Variants in ZNF568 observed in about 807,000 individuals in gnomAD.
ZNF568 encodes the protein zinc finger protein 568, also known as p53 inhibitor of SCO2 activation.
A neutral mutation model predicts 18.1 loss-of-function variants in ZNF568; 11 were observed. The observed-to-expected ratio is 0.61, with a 90% confidence interval of 0.38 to 1.00. The LOEUF is 1.00. Among genes scored for constraint, ZNF568 ranks in the 50% least tolerant of loss-of-function variants. The pLI is 0.01. For synonymous variants in ZNF568, 213 were observed against 246.6 expected, an observed-to-expected ratio of 0.86 and a Z score of 1.28; for missense variants, 639 against 768.2, an observed-to-expected ratio of 0.83 and a Z score of 1.99.
chr19:36,954,122 G>A (rs2074090015), downstream of ZNF568, among the ~76,000 whole-genome samples: 1 of 152,114 alleles, frequency 6.6e-6, no homozygotes, highest in Non-Finnish European at 1.5e-5. Flanking sequence ...TACTCAGGAG[G>A]CTGAGGCAGG....
intron 2 of ZNF568, among the ~76,000 whole-genome samples, chr19:36,921,477 G>T (rs1182420269): frequency 6.6e-6 from 1 of 151,426 alleles, no homozygotes; most frequent in East Asian, 1.9e-4. Context: ...AAAAAAGAAA[G>T]AAAGTGATCA....
At chr19:36,990,986 CAAG>C in intron 2 of ZNF568, 1 of 556,474 alleles carries the variant, frequency 1.8e-6, no homozygotes, top group Non-Finnish European at 3.1e-6. Flanking sequence ...TAAGCATGCC[CAAG>C]AACCATGTGG....
At chr19:36,929,223 A>G (rs1484968418) in intron 4 of ZNF568, among the ~76,000 whole-genome samples, 2 of 152,144 alleles carry the variant, frequency 1.3e-5, no homozygotes, top group Non-Finnish European at 2.9e-5. Flanking sequence ...ATTTTAAACA[A>G]TTATATTCTA....
chr19:36,943,392 TTTGA>T (rs1176309275), intron 6 of ZNF568, among the ~76,000 whole-genome samples: 2 of 152,146 alleles, frequency 1.3e-5, no homozygotes, highest in Non-Finnish European at 2.9e-5. Flanking sequence ...TCATTAACTA[TTTGA>T]TTGCACTGAA....
intron 4 of ZNF568, among the ~76,000 whole-genome samples, chr19:36,926,683 A>G (rs2073560184): frequency 6.6e-6 from 1 of 152,210 alleles, no homozygotes; most frequent in African/African-American, 2.4e-5. Flanking sequence ...ATGGATATTG[A>G]ACCCACAGAT....
At chr19:36,946,059 C>T (rs997827154) in intron 6 of ZNF568, among the ~76,000 whole-genome samples, 20 of 152,038 alleles carry the variant, frequency 1.3e-4, no homozygotes, top group Middle Eastern at 3.4e-3. Context: ...TGCGCCACTG[C>T]ACTCCAGCCT....
chr19:36,942,440 G>A (rs1403121058), intron 6 of ZNF568, among the ~76,000 whole-genome samples: 1 of 151,190 alleles, frequency 6.6e-6, no homozygotes, highest in African/African-American at 2.4e-5. Flanking sequence ...TCTATTAAAA[G>A]TACAAAAAAC....
In ZNF568 at chr19:36,950,960, A is replaced by AT; in HGVS notation, c.1808dup (p.His604ThrfsTer8). 1 of 1,613,846 alleles carries AT rather than the reference A, an allele frequency of 6.2e-7. No homozygotes were observed. Among genetic ancestry groups the AT allele is most frequent in the Non-Finnish European group, 8.5e-7 (1 of 1,179,922 alleles). ...CTTTTCTCAGTGCTCATTACTTATTATACATATGAGAAGTCATACTGGTGA... is the reference window on the plus strand; with the variant it reads ...CTTTTCTCAGTGCTCATTACTTATTATTACATATGAGAAGTCATACTGGTGA... On this transcript the variant is annotated frameshift_variant, in exon 7 of 7. Transcript: ENST00000333987. LOFTEE classifies it low-confidence loss of function (END_TRUNC).
intron 6 of ZNF568, among the ~76,000 whole-genome samples, chr19:36,945,745 GTGTGTGTGTGTGTGTGTATGTA>G (rs1337047426): frequency 4.0e-5 from 6 of 151,570 alleles, no homozygotes; most frequent in African/African-American, 1.5e-4. Flanking sequence ...ATATGTGTGT[GTGTGTGTGTGTGTGTGTATGTA>G]TGTGTGTGTG....
At chr19:36,954,113 A>G (rs2074089931), downstream of ZNF568, among the ~76,000 whole-genome samples, 2 of 151,772 alleles carry the variant, frequency 1.3e-5, no homozygotes, top group Admixed American at 1.3e-4. Context: ...AATCCTAGCT[A>G]CTCAGGAGGC....
chr19:36,932,291 G>T (rs750597102), intron 4 of ZNF568, among the ~76,000 whole-genome samples: 35 of 152,132 alleles, frequency 2.3e-4, no homozygotes, highest in Non-Finnish European at 3.2e-4. Flanking sequence ...ACCTTTTAAA[G>T]AATTGCCCCA....
chr19:36,936,823 C>G lies in ZNF568; in HGVS notation c.213C>G (p.Asn71Lys). 1 of 1,613,898 alleles carries G rather than the reference C, an allele frequency of 6.2e-7. No homozygotes were observed. Residue 71 changes from asparagine to lysine, a missense_variant, in exon 5 of 7, where the codon AAC becomes AAG. By Grantham distance (94) the Asn-to-Lys change is moderately conservative. Transcript: ENST00000333987. ...AGCAAATGAAACCTGCTCAAAGAAA[C>G]TTGTATCGAGATGTGATGCTGGAGA... is the stretch of plus-strand genomic sequence containing the variant. Reference protein sequence around the residue: ...EWEQMKPAQRNLYRDVMLENY... With the variant: ...EWEQMKPAQRKLYRDVMLENY...
Position 36,946,649 on chromosome 19 carries a change from C to CT in ZNF568, c.359-2843dup, listed in dbSNP as rs33950985. On this transcript the variant is annotated intron_variant, in intron 6 of 6. Transcript: ENST00000333987. ...ATTTTTTAGTTTTTTTTTTTGTTTCCTTTTTTTTTTTTTTTTTTTTGAGAT... is the reference window on the plus strand; with the variant it reads ...ATTTTTTAGTTTTTTTTTTTGTTTCCTTTTTTTTTTTTTTTTTTTTTGAGAT... Among the ~76,000 whole-genome samples, 838 of 110,424 alleles carry CT rather than the reference C, an allele frequency of 7.6e-3. 1 individual carries two copies. Among genetic ancestry groups the CT allele is most frequent in the Middle Eastern group, 0.017 (3 of 176 alleles). 72.4% of individuals were successfully genotyped at this position (110,424 alleles called of 152,430 possible).
At position 36,937,385 on chromosome 19, in the gene ZNF568, A is replaced by G. The variant is rs1426067714; in HGVS notation, c.358+143A>G. The G allele has an allele frequency of 1.2e-5, 7 of 583,042 alleles. No homozygotes were observed. In the East Asian group the frequency reaches 2.1e-4, roughly 17 times the overall value. The allele number at this position is 583,042 out of a possible 1,614,324, so 36.1% of individuals were successfully genotyped here. ...CAAATGGGATGGAGTGCTTTAGATT[A>G]CTGTGACATTTCTAGGTATTATTCT... On this transcript the variant is annotated intron_variant, in intron 6 of 6. Transcript: ENST00000333987.
In ZNF568 at chr19:36,932,821, T is replaced by C. The variant is rs117793507; in HGVS notation, c.136-3925T>C. On this transcript the variant is annotated intron_variant, in intron 4 of 6. Coordinates refer to ENST00000333987, the MANE Select transcript of ZNF568 (RefSeq NM_198539.4). The stretch of plus-strand genomic sequence containing the variant: ...CATTTCCTATGTTTGTTGGCCATTT[T>C]TATTAATATATCTTCTTTGAAGAAT... Among the ~76,000 whole-genome samples the C allele has an allele frequency of 6.3e-3, 965 of 152,308 alleles. 29 individuals carry two copies. Among genetic ancestry groups the C allele is most frequent in the East Asian group, 0.052 (269 of 5,180 alleles).
intron 4 of ZNF568, among the ~76,000 whole-genome samples, chr19:36,994,976 C>G (rs552845095): frequency 1.3e-5 from 2 of 152,022 alleles, no homozygotes; most frequent in Non-Finnish European, 2.9e-5. Context: ...TCACTGGTTA[C>G]AATTTTTGTC....
chr19:36,946,632 G>GT (rs915112331), intron 6 of ZNF568, among the ~76,000 whole-genome samples: 1,979 of 115,772 alleles, frequency 0.017, 41 homozygotes, highest in African/African-American at 0.052. Context: ...AAATTTTTTA[G>GT]TTTTTTTTTT....
intron 3 of ZNF568, chr19:36,991,328 C>A (rs568823174): frequency 2.0e-6 from 3 of 1,501,448 alleles, no homozygotes; most frequent in African/African-American, 2.8e-5. Flanking sequence ...CCGTACACCC[C>A]CTGCCCCGCC....
chr19:36,940,395 C>G (rs1225380390), intron 6 of ZNF568, among the ~76,000 whole-genome samples: 2 of 152,138 alleles, frequency 1.3e-5, no homozygotes, highest in Non-Finnish European at 2.9e-5. Context: ...ACACGTCTAC[C>G]AGAGTGGTTG....
Sources: allele counts gnomAD v4.1 joint callset (sites outside exome capture counted in the v4.1 genomes callset), GRCh38; gene constraint gnomAD v4.1.1; transcripts MANE v1.5; gene names NCBI Gene and HGNC (gene_info 2026-07-23, HGNC 2026-07-21).